The following SUMF1 variants were observed in gnomAD, a reference collection of about 807,000 sequenced individuals.
The protein encoded by SUMF1 is sulfatase modifying factor 1.
SUMF1 carries 48 observed loss-of-function variants against 47.6 expected under a neutral mutation model. The ratio of observed to expected loss-of-function variants is 1.01; its 90% CI spans 0.80 to 1.28. The LOEUF (loss-of-function observed/expected upper bound fraction) is 1.28, where lower values mean the gene tolerates loss of function less well. Among genes scored for constraint, SUMF1 ranks in the 50% most tolerant of loss-of-function variants. The probability of loss-of-function intolerance (pLI) is 0.00; values close to 1 mark genes in which losing one functional copy is unlikely to be tolerated. For synonymous variants in SUMF1, 230 were observed against 192.1 expected (o/e 1.20, Z -1.63); for missense variants, 571 against 485.4 (o/e 1.18, Z -1.66).
chr3:4,455,315 T>C (rs540521804), intron 1 of SUMF1, among the ~76,000 whole-genome samples: 1 of 152,186 alleles, frequency 6.6e-6, no homozygotes, highest in Admixed American at 6.5e-5. Context: ...TTGATAACCT[T>C]GAAAAAAATG....
intron 7 of SUMF1, among the ~76,000 whole-genome samples, chr3:4,406,562 A>C (rs1701383245): frequency 6.6e-6 from 1 of 152,212 alleles, no homozygotes; most frequent in Admixed American, 6.5e-5. Flanking sequence ...CGGGAGGCTG[A>C]GGCTGAAGAA....
At chr3:4,367,519 C>T (rs1700017985) in intron 8 of SUMF1, among the ~76,000 whole-genome samples, 2 of 151,634 alleles carry the variant, frequency 1.3e-5, no homozygotes, top group African/African-American at 4.8e-5. Flanking sequence ...AAAGAGCCCG[C>T]ATCACCAAGT....
chr3:4,077,808 A>G (rs1383249321), intron 8 of SUMF1, among the ~76,000 whole-genome samples: 3 of 152,162 alleles, frequency 2.0e-5, no homozygotes, highest in Admixed American at 1.3e-4. Context: ...AGTATAATAA[A>G]AAAAAACTGG....
chr3:4,090,084 G>C (rs1158822467), intron 8 of SUMF1, among the ~76,000 whole-genome samples: 2 of 152,140 alleles, frequency 1.3e-5, no homozygotes, highest in African/African-American at 2.4e-5. Context: ...CCCAGCACTA[G>C]CACAGTGCCT....
At chr3:4,268,341 A>C (rs1697239321) in intron 8 of SUMF1, among the ~76,000 whole-genome samples, 1 of 152,128 alleles carries the variant, frequency 6.6e-6, no homozygotes, top group Non-Finnish European at 1.5e-5. Context: ...CTAGATGACA[A>C]GTTAGTGGGT....
intron 8 of SUMF1, chr3:4,313,217 T>A (rs1160059965): frequency 1.9e-6 from 3 of 1,613,858 alleles, no homozygotes. Context: ...TTGGAATTTA[T>A]ACCGAAAGGA....
intron 8 of SUMF1, among the ~76,000 whole-genome samples, chr3:4,354,382 T>G (rs1408349911): frequency 6.6e-6 from 1 of 152,168 alleles, no homozygotes; most frequent in Non-Finnish European, 1.5e-5. Flanking sequence ...TCCCTTTTCG[T>G]TTTTCCTTCT....
At chr3:4,067,465 G>A (rs894447084) in intron 9 of SUMF1, among the ~76,000 whole-genome samples, 1 of 152,178 alleles carries the variant, frequency 6.6e-6, no homozygotes, top group African/African-American at 2.4e-5. Flanking sequence ...TGTTGCACAT[G>A]ATAATGCCAA....
intron 8 of SUMF1, among the ~76,000 whole-genome samples, chr3:4,105,500 G>A (rs1181053346): frequency 2.0e-5 from 3 of 152,010 alleles, no homozygotes; most frequent in Admixed American, 1.3e-4. Context: ...TTGGAAGAAG[G>A]AACATCATTG....
At chr3:4,265,430 T>C (rs1697172507) in intron 8 of SUMF1, among the ~76,000 whole-genome samples, 1 of 152,188 alleles carries the variant, frequency 6.6e-6, no homozygotes, top group South Asian at 2.1e-4. Flanking sequence ...ATCATGATTT[T>C]TCATATATAA....
chr3:4,146,619 T>C (rs944830402), intron 8 of SUMF1, among the ~76,000 whole-genome samples: 4 of 151,976 alleles, frequency 2.6e-5, no homozygotes, highest in East Asian at 1.9e-4. Flanking sequence ...ATGTGCCATG[T>C]TGGTGTGCTG....
chr3:4,440,452 T>G (rs1345686776), intron 3 of SUMF1, among the ~76,000 whole-genome samples: 4 of 152,316 alleles, frequency 2.6e-5, no homozygotes, highest in Middle Eastern at 3.4e-3. Flanking sequence ...AAGGCATTTC[T>G]CATTACAACC....
chr3:4,429,266 G>A (rs956303236), intron 3 of SUMF1, among the ~76,000 whole-genome samples: 2 of 152,190 alleles, frequency 1.3e-5, no homozygotes, highest in African/African-American at 2.4e-5. Context: ...AGACATCTGC[G>A]TGTACACCCA....
intron 3 of SUMF1, among the ~76,000 whole-genome samples, chr3:4,445,491 C>T (rs1305824173): frequency 1.3e-5 from 2 of 152,104 alleles, no homozygotes; most frequent in Non-Finnish European, 2.9e-5. Flanking sequence ...ACACATGCTA[C>T]CATACCTGGC....
At chr3:4,320,955 A>T (rs1454610558) in intron 8 of SUMF1, among the ~76,000 whole-genome samples, 2 of 152,160 alleles carry the variant, frequency 1.3e-5, no homozygotes, top group African/African-American at 4.8e-5. Context: ...TCAGCATGTT[A>T]AAGGACCATA....
rs1002082289 is a variant in SUMF1, at chr3:4,313,238, G to T, written c.1014+63092C>A. The T allele has an allele frequency of 1.9e-6, 3 of 1,613,970 alleles. No homozygotes were observed. Among genetic ancestry groups the T allele is most frequent in the Non-Finnish European group, 2.5e-6 (3 of 1,179,994 alleles). On this transcript the variant is annotated intron_variant and NMD_transcript_variant, in intron 8 of 12. Transcript: ENST00000448413. Reference sequence around the variant, plus strand: ...TTTATACCGAAAGGAAGGTTTGTCTGTGAATATGCTGGTGAGGTTTTAGGA... The same window carrying T: ...TTTATACCGAAAGGAAGGTTTGTCTTTGAATATGCTGGTGAGGTTTTAGGA...
At chr3:4,163,908 C>T (rs998453422) in intron 8 of SUMF1, among the ~76,000 whole-genome samples, 1 of 152,054 alleles carries the variant, frequency 6.6e-6, no homozygotes, top group Non-Finnish European at 1.5e-5. Context: ...TTCTACAGCC[C>T]TGCCCTGGAA....
At chr3:4,303,803 C>A in intron 8 of SUMF1, 1 of 1,402,904 alleles carries the variant, frequency 7.1e-7, no homozygotes, top group African/African-American at 1.4e-5. Context: ...CAGTCCTGTC[C>A]TCAGAACTCA....
chr3:4,268,661 A>G (rs1055413972), intron 8 of SUMF1, among the ~76,000 whole-genome samples: 1 of 151,886 alleles, frequency 6.6e-6, no homozygotes, highest in African/African-American at 2.4e-5. Context: ...TCCCCTGTTT[A>G]CATACACAGA....
Sources: gnomAD v4.1 joint callset for allele counts (sites outside exome capture counted in the v4.1 genomes callset) on GRCh38, gnomAD v4.1.1 for gene constraint, MANE v1.5 for transcripts, NCBI Gene and HGNC (gene_info 2026-07-23, HGNC 2026-07-21) for gene names.